Variants in PHKA2 observed in about 807,000 individuals in gnomAD.
The protein encoded by PHKA2 is phosphorylase b kinase regulatory subunit alpha, liver isoform.
In PHKA2, 31 loss-of-function variants were observed where a neutral mutation model predicts 102.0. That is an observed-to-expected ratio of 0.30 (90% CI 0.23 to 0.41). PHKA2 has a LOEUF of 0.41. Among genes scored for constraint, PHKA2 ranks in the 10% least tolerant of loss-of-function variants. The pLI, the probability that PHKA2 is intolerant of heterozygous loss-of-function variation, is 1.00. For synonymous variants in PHKA2, 455 were observed against 416.2 expected, an observed-to-expected ratio of 1.09 and a Z score of -1.13; for missense variants, 858 against 1,023.1, an observed-to-expected ratio of 0.84 and a Z score of 2.20.
At chrX:18,893,679 G>A (rs755151931) in intron 32 of PHKA2, 24 bp from the exon 33 acceptor site, 2 of 1,190,852 alleles carry the variant, frequency 1.7e-6, no homozygotes, top group South Asian at 3.5e-5. Context: ...GGGCAGAGGG[G>A]ACAATAAGCG....
At chrX:18,945,029 CA>C in intron 6 of PHKA2, 48 bp downstream of exon 6, 2 of 811,477 alleles carry the variant, frequency 2.5e-6, no homozygotes, top group Non-Finnish European at 3.8e-6. Flanking sequence ...GGAACCAAAT[CA>C]AAGCAGTAAA....
rs903958858 is a variant in PHKA2, at chrX:18,973,286, T to A, written c.78+10569A>T. ...TCCCAAAGTGCTGGGATTACAGGTG[T>A]GAGCCACCGCGCCTGGCCTTAAGAG... is the stretch of plus-strand genomic sequence containing the variant. On this transcript the variant is annotated intron_variant, in intron 1 of 32. Transcript: ENST00000379942. Among the ~76,000 whole-genome samples the A allele has an allele frequency of 6.2e-5, 7 of 112,243 alleles. No homozygotes were observed. The East Asian group carries it at 2.0e-3, about 31-fold the overall frequency.
At chrX:18,897,497 G>C in intron 29 of PHKA2, 164 bp from the exon 30 acceptor site, 1 of 475,728 alleles carries the variant, frequency 2.1e-6, no homozygotes, top group Non-Finnish European at 3.6e-6. Context: ...TTCCTCATGT[G>C]AGATGACTCG....
chrX:18,943,623 C>A (rs773000962), intron 7 of PHKA2, 87 bp downstream of exon 7: 194 of 759,707 alleles, frequency 2.6e-4, no homozygotes, highest in Middle Eastern at 1.2e-3. Context: ...ATCACCAAGC[C>A]AGCAAGGTGG....
intron 1 of PHKA2, among the ~76,000 whole-genome samples, chrX:18,972,565 T>C (rs1330945582): frequency 1.8e-5 from 2 of 112,381 alleles, no homozygotes; most frequent in Non-Finnish European, 3.7e-5. Flanking sequence ...TGTCCCTCAA[T>C]AGAGCTTTAT....
At chrX:18,920,564 G>A (rs1053331547) in intron 17 of PHKA2, among the ~76,000 whole-genome samples, 8 of 111,808 alleles carry the variant, frequency 7.2e-5, no homozygotes, top group East Asian at 2.8e-4. Context: ...CCCCCAAAAC[G>A]ACTGGCCCAG....
At chrX:18,933,934 C>T (rs961055112) in intron 11 of PHKA2, among the ~76,000 whole-genome samples, 2 of 112,290 alleles carry the variant, frequency 1.8e-5, no homozygotes, top group Non-Finnish European at 3.8e-5. Context: ...AAAAGCGTAG[C>T]TCTTAACACC....
At chrX:18,912,155 T>G (rs775299042) in intron 19 of PHKA2, among the ~76,000 whole-genome samples, 2 of 112,717 alleles carry the variant, frequency 1.8e-5, no homozygotes, top group South Asian at 7.3e-4. Flanking sequence ...CAGGTTATAT[T>G]TGTGAATTGA....
At chrX:18,913,186 T>TGGGTGAG (rs1252553266) in intron 19 of PHKA2, among the ~76,000 whole-genome samples, 1 of 111,195 alleles carries the variant, frequency 9.0e-6, no homozygotes, top group Non-Finnish European at 1.9e-5. Context: ...TCTGGGTGAC[T>TGGGTGAG]GGGTGAGTGG....
chrX:18,948,623 T>A lies in PHKA2; in HGVS notation c.537+121A>T, dbSNP rs757816710. On this transcript the variant is annotated intron_variant, in intron 5 of 32. Coordinates refer to ENST00000379942, the MANE Select transcript of PHKA2 (RefSeq NM_000292.3). Reference sequence around the variant, plus strand: ...TGTGTGTGGAGGTGACACAATCTCATAGCGCTAGTCTCGCTAACCTTTTGG... The same window carrying A: ...TGTGTGTGGAGGTGACACAATCTCAAAGCGCTAGTCTCGCTAACCTTTTGG... 79 of 525,280 alleles carry A rather than the reference T, an allele frequency of 1.5e-4. No individual in the cohort carries two copies. The African/African-American group carries it at 1.6e-3, about 10-fold the overall frequency. The allele number at this position is 525,280 out of a possible 1,213,427, so 43.3% of individuals were successfully genotyped here.
intron 1 of PHKA2, among the ~76,000 whole-genome samples, chrX:18,974,276 C>G (rs928739050): frequency 9.0e-6 from 1 of 111,045 alleles, no homozygotes; most frequent in Non-Finnish European, 1.9e-5. Flanking sequence ...TTCAGAAGAA[C>G]AATTTAAACT....
chrX:18,939,155 T>C (rs186132694), intron 9 of PHKA2, among the ~76,000 whole-genome samples: 2 of 111,896 alleles, frequency 1.8e-5, no homozygotes, highest in East Asian at 5.6e-4. Context: ...AAGCTGGTTT[T>C]ATTTATTTTT....
chrX:18,956,626 T>C (rs748450082), intron 1 of PHKA2, among the ~76,000 whole-genome samples: 46 of 112,706 alleles, frequency 4.1e-4, no homozygotes, highest in Non-Finnish European at 7.1e-4. Flanking sequence ...AAAGCTATAC[T>C]GTCTGTCCCC....
intron 11 of PHKA2, among the ~76,000 whole-genome samples, chrX:18,934,880 C>T (rs1019163014): frequency 3.4e-4 from 38 of 111,449 alleles, no homozygotes; most frequent in African/African-American, 1.2e-3. Flanking sequence ...GGGGTCTGGC[C>T]CCAGGGCGGA....
intron 19 of PHKA2, chrX:18,915,540 C>CTTTTTT (rs1205116694): frequency 1.1e-5 from 1 of 90,425 alleles, no homozygotes; most frequent in Non-Finnish European, 2.2e-5. Context: ...CCTGGCTAAT[C>CTTTTTT]TTTTTTTTTT....
At chrX:18,965,560 C>T (rs1430906981) in intron 1 of PHKA2, among the ~76,000 whole-genome samples, 2 of 111,191 alleles carry the variant, frequency 1.8e-5, no homozygotes, top group African/African-American at 6.6e-5. Flanking sequence ...GGATCCGCTA[C>T]GAGTCCATGA....
At chrX:18,967,599 A>C (rs1309718955) in intron 1 of PHKA2, among the ~76,000 whole-genome samples, 5 of 107,563 alleles carry the variant, frequency 4.6e-5, no homozygotes, top group African/African-American at 1.4e-4. Context: ...AATTCTCCCC[A>C]TTCAAGGTGG....
At chrX:18,926,630 G>A (rs754066677) in intron 13 of PHKA2, 43 bp from the exon 14 acceptor site, 5 of 1,172,830 alleles carry the variant, frequency 4.3e-6, no homozygotes, top group Non-Finnish European at 5.8e-6. Flanking sequence ...CATGACTCTT[G>A]TCTCTTCACA....
chrX:18,942,072 G>A (rs2640029), intron 7 of PHKA2, among the ~76,000 whole-genome samples: 3 of 112,281 alleles, frequency 2.7e-5, no homozygotes, highest in Non-Finnish European at 5.6e-5. Flanking sequence ...CCAGCTTGGA[G>A]AAATGTCTGG....
Sources: gnomAD v4.1 joint callset for allele counts (sites outside exome capture counted in the v4.1 genomes callset) on GRCh38, gnomAD v4.1.1 for gene constraint, MANE v1.5 for transcripts, NCBI Gene and HGNC (gene_info 2026-07-23, HGNC 2026-07-21) for gene names.